Variants in WWOX observed in about 807,000 individuals in gnomAD.
WWOX encodes the protein WW domain-containing oxidoreductase.
Under a neutral mutation model 46.2 loss-of-function variants are expected in WWOX, and 69 were observed. The ratio of observed to expected loss-of-function variants is 1.49; its 90% CI spans 1.23 to 1.82. WWOX has a LOEUF of 1.82. Among genes scored for constraint, WWOX ranks in the 40% most tolerant of loss-of-function variants. WWOX has a pLI of 0.00. For synonymous variants in WWOX, 359 were observed against 202.6 expected, an observed-to-expected ratio of 1.77 and a Z score of -6.56; for missense variants, 919 against 542.6, an observed-to-expected ratio of 1.69 and a Z score of -6.89.
At chr16:78,652,664 G>A (rs1269948783) in intron 8 of WWOX, among the ~76,000 whole-genome samples, 1 of 152,100 alleles carries the variant, frequency 6.6e-6, no homozygotes, top group Non-Finnish European at 1.5e-5. Context: ...CATGACTCTG[G>A]ATTTATCATC....
At chr16:79,022,256 G>A (rs1489540453) in intron 8 of WWOX, among the ~76,000 whole-genome samples, 2 of 151,868 alleles carry the variant, frequency 1.3e-5, no homozygotes, top group Non-Finnish European at 2.9e-5. Flanking sequence ...ACAAGTGCTT[G>A]GGGCACATTG....
At chr16:78,176,026 C>G (rs2035333452) in intron 5 of WWOX, among the ~76,000 whole-genome samples, 1 of 152,144 alleles carries the variant, frequency 6.6e-6, no homozygotes, top group Non-Finnish European at 1.5e-5. Flanking sequence ...AATCACCCCG[C>G]TTTGGCATAA....
In WWOX at chr16:78,215,238, C is replaced by A. The variant is rs142448025; in HGVS notation, c.516+50949C>A. On this transcript the variant is annotated intron_variant, in intron 5 of 8. Coordinates refer to ENST00000566780, the MANE Select transcript of WWOX (RefSeq NM_016373.4). ...TGTTGTGCTCACGTGGTGTTTTATG[C>A]ACAGTGTTTCCTCTTTGTTAATCCT... Among the ~76,000 whole-genome samples, 406 of 152,264 alleles carry A rather than the reference C, an allele frequency of 2.7e-3. 1 individual carries two copies. Among genetic ancestry groups the A allele is most frequent in the African/African-American group, 9.4e-3 (390 of 41,554 alleles).
chr16:78,898,986 A>G (rs968217836), intron 8 of WWOX: 1 of 152,102 alleles, frequency 6.6e-6, no homozygotes, highest in Admixed American at 6.5e-5. Context: ...AAATTTATTT[A>G]TTCACCTTTT....
chr16:79,119,612 A>G (rs547079636), intron 8 of WWOX, among the ~76,000 whole-genome samples: 8 of 152,368 alleles, frequency 5.3e-5, no homozygotes, highest in South Asian at 4.1e-4. Flanking sequence ...CATGGATTCA[A>G]TAATGTGCCA....
chr16:78,453,148 G>T (rs1231932433), intron 8 of WWOX, among the ~76,000 whole-genome samples: 1 of 152,242 alleles, frequency 6.6e-6, no homozygotes, highest in East Asian at 1.9e-4. Flanking sequence ...CCTCAGCCCT[G>T]TGTGGTAGCT....
At chr16:79,027,487 T>A (rs1162909724) in intron 8 of WWOX, among the ~76,000 whole-genome samples, 2 of 151,754 alleles carry the variant, frequency 1.3e-5, no homozygotes, top group Non-Finnish European at 2.9e-5. Context: ...TCCAACTGAA[T>A]AAGAACTAAT....
At chr16:78,927,552 A>C (rs772013056) in intron 8 of WWOX, among the ~76,000 whole-genome samples, 9 of 152,180 alleles carry the variant, frequency 5.9e-5, no homozygotes, top group Non-Finnish European at 8.8e-5. Context: ...GATGTTAGTC[A>C]TTTGATTTCT....
rs546058178 is a variant in WWOX at position 78,165,918 on chromosome 16, G to A, written c.516+1629G>A. Among the ~76,000 whole-genome samples the A allele has an allele frequency of 5.7e-4, 86 of 152,100 alleles. No individual in the cohort carries two copies. In the Middle Eastern group the frequency reaches 0.01, roughly 18 times the overall value. On this transcript the variant is annotated intron_variant, in intron 5 of 8. Coordinates refer to ENST00000566780, the MANE Select transcript of WWOX (RefSeq NM_016373.4). ...TCTTACTTTTTCTGATCATTTTATT[G>A]TCTTTCTGACTAATGTTAAAAAGTA...
At chr16:78,745,073 TG>T (rs554635164) in intron 8 of WWOX, among the ~76,000 whole-genome samples, 56 of 152,110 alleles carry the variant, frequency 3.7e-4, no homozygotes, top group African/African-American at 1.3e-3. Flanking sequence ...GATGAAGAAA[TG>T]GAGATCTCAA....
chr16:78,491,890 A>G (rs1258315693), intron 8 of WWOX, among the ~76,000 whole-genome samples: 1 of 151,824 alleles, frequency 6.6e-6, no homozygotes, highest in Non-Finnish European at 1.5e-5. Context: ...CTTGCCTTCT[A>G]CTCCTCTTTT....
chr16:78,485,569 T>G (rs2084613201), intron 8 of WWOX, among the ~76,000 whole-genome samples: 1 of 152,160 alleles, frequency 6.6e-6, no homozygotes, highest in Admixed American at 6.5e-5. Flanking sequence ...GTATACTGTG[T>G]TCTTTGGGTA....
intron 8 of WWOX, among the ~76,000 whole-genome samples, chr16:78,928,109 G>A (rs2045540397): frequency 6.6e-6 from 1 of 151,588 alleles, no homozygotes; most frequent in African/African-American, 2.4e-5. Flanking sequence ...TTGTCCGTAT[G>A]TATTTACATA....
intron 8 of WWOX, among the ~76,000 whole-genome samples, chr16:79,109,102 T>C (rs2049366330): frequency 6.6e-6 from 1 of 152,044 alleles, no homozygotes. Context: ...CTCTCCCAGG[T>C]ACTCCAGAGC....
chr16:78,887,120 GTGTGTGTGTGTGTGTA>G (rs1567627281), intron 8 of WWOX, among the ~76,000 whole-genome samples: 1 of 127,956 alleles, frequency 7.8e-6, no homozygotes, highest in South Asian at 2.6e-4. Context: ...GTGTGTGTGT[GTGTGTGTGTGTGTGTA>G]TACCTAGTCT....
chr16:78,778,106 C>T lies in WWOX; in HGVS notation c.1056+345354C>T, dbSNP rs546095432. On this transcript the variant is annotated intron_variant, in intron 8 of 8. Coordinates refer to ENST00000566780, the MANE Select transcript of WWOX (RefSeq NM_016373.4). The stretch of plus-strand genomic sequence containing the variant: ...CTTTACTGTAGCTATGGCTGCCTAT[C>T]CCAAGGATGGGAAGTCTGAAGTTCA... 2.6e-5 allele frequency among the ~76,000 whole-genome samples: 4 copies of T among 151,898 alleles called. No homozygotes were observed. In the South Asian group the frequency reaches 8.3e-4, roughly 32 times the overall value.
intron 8 of WWOX, among the ~76,000 whole-genome samples, chr16:79,115,876 T>A (rs2049506122): frequency 6.6e-6 from 1 of 152,206 alleles, no homozygotes; most frequent in African/African-American, 2.4e-5. Context: ...GTCTCTTATT[T>A]TTTAATGAAT....
intron 8 of WWOX, among the ~76,000 whole-genome samples, chr16:78,990,259 C>G (rs995167306): frequency 2.0e-5 from 3 of 151,960 alleles, no homozygotes; most frequent in Non-Finnish European, 4.4e-5. Context: ...TCCATTCCCC[C>G]CATGCTTTGT....
At chr16:78,347,414 C>G (rs1333587904) in intron 5 of WWOX, among the ~76,000 whole-genome samples, 1 of 117,926 alleles carries the variant, frequency 8.5e-6, no homozygotes, top group African/African-American at 2.9e-5. Context: ...ATTCGCACCT[C>G]ATATGTCTTT....
Sources: allele counts gnomAD v4.1 joint callset (sites outside exome capture counted in the v4.1 genomes callset), GRCh38; gene constraint gnomAD v4.1.1; transcripts MANE v1.5; gene names NCBI Gene and HGNC (gene_info 2026-07-23, HGNC 2026-07-21).